The following ART3 variants were observed in gnomAD, a reference collection of about 807,000 sequenced individuals.
The protein encoded by ART3 is ecto-ADP-ribosyltransferase 3.
In ART3, 49 loss-of-function variants were observed where a neutral mutation model predicts 48.5. The ratio of observed to expected loss-of-function variants is 1.01; its 90% CI spans 0.80 to 1.28. The LOEUF (loss-of-function observed/expected upper bound fraction) is 1.28, where lower values mean the gene tolerates loss of function less well. Among genes scored for constraint, ART3 ranks in the 50% most tolerant of loss-of-function variants. The pLI is 0.00. For synonymous variants in ART3, 145 were observed against 157.2 expected, an observed-to-expected ratio of 0.92 and a Z score of 0.58; for missense variants, 438 against 454.3, an observed-to-expected ratio of 0.96 and a Z score of 0.33.
At chr4:76,092,332 C>G (rs561509158) in intron 3 of ART3, among the ~76,000 whole-genome samples, 1 of 152,228 alleles carries the variant, frequency 6.6e-6, no homozygotes, top group Non-Finnish European at 1.5e-5. Flanking sequence ...GTCAGATTTA[C>G]CTTTAAGTGT....
rs900298136 is a variant in ART3 at position 76,049,419 on chromosome 4, C to T, written c.-9-26462C>T. Among the ~76,000 whole-genome samples, 9 of 151,878 alleles carry T rather than the reference C, an allele frequency of 5.9e-5. No homozygotes were observed. In the East Asian group the frequency reaches 1.2e-3, roughly 20 times the overall value. ...GCCGCAGGGTCAGCCAACATGTTGTCGGGACCTTGGAGCTGCATGGCTTTC... is the reference window on the plus strand; with the variant it reads ...GCCGCAGGGTCAGCCAACATGTTGTTGGGACCTTGGAGCTGCATGGCTTTC... On this transcript the variant is annotated intron_variant, in intron 1 of 9. Transcript: ENST00000341029.
chr4:76,088,917 A>G (rs556373575), intron 3 of ART3, among the ~76,000 whole-genome samples: 23 of 152,302 alleles, frequency 1.5e-4, no homozygotes, highest in African/African-American at 4.6e-4. Flanking sequence ...ATCATAGTAC[A>G]TTCTGTTTGA....
At chr4:76,097,874 C>G (rs1726366552) in intron 4 of ART3, among the ~76,000 whole-genome samples, 198 bp downstream of exon 4, 1 of 152,180 alleles carries the variant, frequency 6.6e-6, no homozygotes, top group African/African-American at 2.4e-5. Flanking sequence ...CACTGCCACC[C>G]TCATCCCCAC....
intron 1 of ART3, among the ~76,000 whole-genome samples, chr4:76,016,042 A>G (rs1031270716): frequency 1.3e-5 from 2 of 152,322 alleles, no homozygotes; most frequent in East Asian, 1.9e-4. Flanking sequence ...TGATTTTGGT[A>G]TCAGGGTAAT....
At chr4:76,105,651 A>G (rs1009983742) in intron 10 of ART3, 2 of 1,167,666 alleles carry the variant, frequency 1.7e-6, no homozygotes, top group African/African-American at 3.2e-5. Context: ...TGGGGAAGAC[A>G]TCTGGGCTGT....
At chr4:76,038,986 G>T (rs1734700166) in intron 1 of ART3, among the ~76,000 whole-genome samples, 1 of 152,062 alleles carries the variant, frequency 6.6e-6, no homozygotes, top group South Asian at 2.1e-4. Context: ...GCCTCCCAAA[G>T]TGCTGGGATT....
intron 1 of ART3, among the ~76,000 whole-genome samples, chr4:76,047,084 C>T (rs1735583688): frequency 6.6e-6 from 1 of 151,982 alleles, no homozygotes; most frequent in African/African-American, 2.4e-5. Flanking sequence ...TCCTCTGGGG[C>T]AGTGCACCTT....
intron 1 of ART3, among the ~76,000 whole-genome samples, chr4:76,029,604 T>A (rs6844097): frequency 2.6e-5 from 4 of 151,942 alleles, no homozygotes; most frequent in Admixed American, 6.5e-5. Context: ...GTACTACTTA[T>A]AATCCACAGA....
intron 1 of ART3, among the ~76,000 whole-genome samples, chr4:76,039,403 C>A (rs1257933520): frequency 2.0e-5 from 3 of 152,160 alleles, no homozygotes; most frequent in Admixed American, 6.5e-5. Flanking sequence ...ATGTAGCACT[C>A]AAAATGTATT....
At chr4:76,025,471 A>C (rs745772851) in intron 1 of ART3, among the ~76,000 whole-genome samples, 19 of 152,250 alleles carry the variant, frequency 1.2e-4, no homozygotes, top group Non-Finnish European at 2.4e-4. Flanking sequence ...TTTGATTTTT[A>C]CTAAACATTG....
At chr4:76,110,982 T>C (rs1384165400) in intron 11 of ART3, among the ~76,000 whole-genome samples, 2 of 152,222 alleles carry the variant, frequency 1.3e-5, no homozygotes, top group African/African-American at 2.4e-5. Context: ...ACAGACCATA[T>C]GTGGCACCAT....
chr4:76,100,855 T>TA (rs1162164067), intron 7 of ART3, 31 bp downstream of exon 7: 2 of 1,608,342 alleles, frequency 1.2e-6, no homozygotes, highest in South Asian at 1.1e-5. Flanking sequence ...TCTGGGGGCT[T>TA]ACATTTTACA....
At chr4:76,080,800 C>T (rs574546581) in intron 2 of ART3, among the ~76,000 whole-genome samples, 1 of 152,250 alleles carries the variant, frequency 6.6e-6, no homozygotes, top group South Asian at 2.1e-4. Flanking sequence ...TGAGCCACTG[C>T]ACCTGGCCTT....
intron 3 of ART3, among the ~76,000 whole-genome samples, chr4:76,097,387 T>G (rs1324499390): frequency 6.6e-6 from 1 of 151,424 alleles, no homozygotes; most frequent in Non-Finnish European, 1.5e-5. Flanking sequence ...AAAAAAAAAT[T>G]GTAGAAATGG....
In ART3 at chr4:76,023,834, T is replaced by C. The variant is rs527497016; in HGVS notation, c.-10+12514T>C. ...TCAACACTTAAACTTTTACAGTTACTTTCAGAGGTTATTTTTCAAAATATC... is the reference window on the plus strand; with the variant it reads ...TCAACACTTAAACTTTTACAGTTACCTTCAGAGGTTATTTTTCAAAATATC... On this transcript the variant is annotated intron_variant, in intron 1 of 9. Transcript: ENST00000341029. Among the ~76,000 whole-genome samples, 4 of 152,362 alleles carry C rather than the reference T, an allele frequency of 2.6e-5. No homozygotes were observed. In the South Asian group the frequency reaches 8.3e-4, roughly 32 times the overall value.
intron 1 of ART3, among the ~76,000 whole-genome samples, chr4:76,026,556 T>A (rs975585037): frequency 1.3e-5 from 2 of 152,226 alleles, no homozygotes; most frequent in South Asian, 4.1e-4. Context: ...TTAAGAAGAC[T>A]ATAATTTCCC....
intron 5 of ART3, 55 bp downstream of exon 5, chr4:76,099,042 C>CT: frequency 6.6e-7 from 1 of 1,521,390 alleles, no homozygotes; most frequent in Non-Finnish European, 9.1e-7. Flanking sequence ...TGGCTCACGC[C>CT]TGTAATCCCA....
intron 1 of ART3, among the ~76,000 whole-genome samples, chr4:76,031,820 A>G (rs1733894986): frequency 6.6e-6 from 1 of 152,232 alleles, no homozygotes; most frequent in African/African-American, 2.4e-5. Flanking sequence ...GAGAGAGCAG[A>G]TATTAGGCAC....
chr4:76,017,803 T>G (rs1458772221), intron 1 of ART3, among the ~76,000 whole-genome samples: 1 of 152,252 alleles, frequency 6.6e-6, no homozygotes, highest in Admixed American at 6.5e-5. Context: ...GGGGATGGTC[T>G]AAATGCTCCC....
Sources: gnomAD v4.1 joint callset for allele counts (sites outside exome capture counted in the v4.1 genomes callset) on GRCh38, gnomAD v4.1.1 for gene constraint, MANE v1.5 for transcripts, NCBI Gene and HGNC (gene_info 2026-07-23, HGNC 2026-07-21) for gene names.